Variants in YJU2B observed in about 807,000 individuals in gnomAD.
The protein encoded by YJU2B is YJU2 splicing factor homolog B.
Under a neutral mutation model 38.0 loss-of-function variants are expected in YJU2B, and 18 were observed. The ratio of observed to expected loss-of-function variants is 0.47; its 90% confidence interval spans 0.33 to 0.70. YJU2B has a LOEUF of 0.70. YJU2B is among the 30% of genes least tolerant of loss of function. The pLI is 0.02. For missense variants in YJU2B, 538 were observed against 556.3 expected (o/e 0.97, Z 0.33); for synonymous variants, 246 against 225.4 (o/e 1.09, Z -0.82).
intron 2 of YJU2B, among the ~76,000 whole-genome samples, chr19:13,735,658 T>C (rs1236089150): frequency 2.0e-5 from 3 of 151,782 alleles, no homozygotes; most frequent in African/African-American, 4.8e-5. Context: ...TAAATTACGG[T>C]GGTGGTTAAC....
chr19:13,736,224 T>G (rs1390978049), intron 2 of YJU2B, among the ~76,000 whole-genome samples: 1 of 150,382 alleles, frequency 6.6e-6, no homozygotes, highest in Non-Finnish European at 1.5e-5. Flanking sequence ...TAATTAATTC[T>G]CTAGAGCATC....
chr19:13,742,101 C>A (rs948853897), intron 2 of YJU2B, among the ~76,000 whole-genome samples: 1 of 91,102 alleles, frequency 1.1e-5, no homozygotes, highest in Non-Finnish European at 2.3e-5. Flanking sequence ...CAATGAAGTT[C>A]TGCCCTCACC....
intron 2 of YJU2B, among the ~76,000 whole-genome samples, chr19:13,741,131 C>T (rs1325445108): frequency 6.6e-6 from 1 of 150,730 alleles, no homozygotes; most frequent in Admixed American, 6.6e-5. Flanking sequence ...TGGCTGGAGG[C>T]CTTTGGCTTT....
Position 13,762,457 on chromosome 19 carries a change from G to T in YJU2B, c.712+20G>T, listed in dbSNP as rs202226586. The T allele has an allele frequency of 6.2e-7, 1 of 1,609,504 alleles. No homozygotes were observed. ...TGGACTGTGCGTAGGAGGCCAGGGGGAAAAGGGGACAGGGAGGCTCAGAGT... is the reference window on the plus strand; with the variant it reads ...TGGACTGTGCGTAGGAGGCCAGGGGTAAAAGGGGACAGGGAGGCTCAGAGT... On this transcript the variant is annotated intron_variant, in intron 9 of 9. Coordinates refer to ENST00000221554, the MANE Select transcript of YJU2B (RefSeq NM_030818.4).
At chr19:13,750,710 A>C (rs1194275380) in intron 1 of YJU2B, among the ~76,000 whole-genome samples, 2 of 151,834 alleles carry the variant, frequency 1.3e-5, no homozygotes, top group Non-Finnish European at 2.9e-5. Context: ...AAATACAAAA[A>C]AATTAGCCAG....
chr19:13,762,798 C>A lies in YJU2B; in HGVS notation c.921C>A (p.Pro307=). The A allele has an allele frequency of 6.2e-7, 1 of 1,603,072 alleles. No homozygotes were observed. The highest frequency in any genetic ancestry group is 2.3e-5 in the East Asian group (1 of 44,192). ...GGTCTCGGGACGTCCCGGAGAGCCC[C>A]CAGCATGCGGCCGACACCCCCAAGT... ...RRRSRDVPES[P]QHAADTPKSG... The change falls in exon 10 of 10, where the codon CCC becomes CCA. Residue 307 remains proline (P), a synonymous_variant. Coordinates refer to ENST00000221554, the MANE Select transcript of YJU2B (RefSeq NM_030818.4).
chr19:13,758,045 CT>C (rs977644500), intron 6 of YJU2B, among the ~76,000 whole-genome samples, 199 bp downstream of exon 6: 1 of 152,112 alleles, frequency 6.6e-6, no homozygotes, highest in African/African-American at 2.4e-5. Context: ...AGTCCTCCCC[CT>C]GGCTCACAAG....
At chr19:13,761,810 A>C (rs1599539911) in intron 8 of YJU2B, among the ~76,000 whole-genome samples, 1 of 146,486 alleles carries the variant, frequency 6.8e-6, no homozygotes, top group African/African-American at 2.6e-5. Flanking sequence ...CGCAACCTCC[A>C]CCTCCCCGGT....
At chr19:13,756,339 A>AATGG in intron 4 of YJU2B, 60 bp downstream of exon 4, 1 of 1,380,608 alleles carries the variant, frequency 7.2e-7, no homozygotes, top group Non-Finnish European at 1.0e-6. Flanking sequence ...AGTCTCAAGG[A>AATGG]GAGTTCAGTG....
intron 8 of YJU2B, among the ~76,000 whole-genome samples, chr19:13,760,298 A>C (rs1166131938): frequency 6.6e-6 from 1 of 152,072 alleles, no homozygotes; most frequent in African/African-American, 2.4e-5. Flanking sequence ...TGGCAGATCC[A>C]GTGTCTGGTG....
chr19:13,748,539 C>CA (rs1298738493), intron 1 of YJU2B, among the ~76,000 whole-genome samples: 1 of 152,206 alleles, frequency 6.6e-6, no homozygotes, highest in East Asian at 1.9e-4. Context: ...CCCCGTCTGC[C>CA]ATTTACTGGG....
At chr19:13,735,532 T>TG (rs550510346) in intron 2 of YJU2B, among the ~76,000 whole-genome samples, 328 of 151,816 alleles carry the variant, frequency 2.2e-3, no homozygotes, top group African/African-American at 7.5e-3. Flanking sequence ...TGTCTGTGTT[T>TG]TTTTTTTTTT....
At chr19:13,753,725 A>G (rs1444259090) in intron 2 of YJU2B, among the ~76,000 whole-genome samples, 2 of 152,148 alleles carry the variant, frequency 1.3e-5, no homozygotes, top group African/African-American at 4.8e-5. Flanking sequence ...ATCCTTCTTC[A>G]CGTGGCAGCA....
intron 2 of YJU2B, among the ~76,000 whole-genome samples, chr19:13,741,720 C>A (rs1217337739): frequency 6.6e-6 from 1 of 151,876 alleles, no homozygotes; most frequent in African/African-American, 2.4e-5. Context: ...ACAGTGGAGA[C>A]CCTGTCTCAA....
At chr19:13,750,325 T>C (rs429537) in intron 1 of YJU2B, among the ~76,000 whole-genome samples, 92,051 of 151,944 alleles carry the variant, frequency 0.61, 28,098 homozygotes, top group Middle Eastern at 0.71. Flanking sequence ...CCTCCCGGTT[T>C]GAGCCATTCT....
rs1318539555 is a variant in YJU2B, at chr19:13,763,141, G to A, written c.*73G>A. On this transcript the variant is annotated 3_prime_UTR_variant, in exon 10 of 10. Coordinates refer to ENST00000221554, the MANE Select transcript of YJU2B (RefSeq NM_030818.4). ...CCCAGGAGGCCCCTCACAGACTGCA[G>A]ACCCCCGGCTCGCCCACCAGCCCTG... 2.3e-6 allele frequency: 3 copies of A among 1,313,486 alleles called. No individual in the cohort carries two copies. The highest frequency in any genetic ancestry group is 3.1e-6 in the Non-Finnish European group (3 of 962,644). The allele number at this position is 1,313,486 out of a possible 1,614,324, so 81.4% of individuals were successfully genotyped here.
rs36123429 is a variant in YJU2B, at chr19:13,741,577, TAA to T, written c.-202+9308_-202+9309del. Among the ~76,000 whole-genome samples, 526 of 141,020 alleles carry T rather than the reference TAA, an allele frequency of 3.7e-3. 1 individual carries two copies. The highest frequency in any genetic ancestry group is 4.7e-3 in the East Asian group (23 of 4,844). The allele number at this position is 141,020 out of a possible 152,430, so 92.5% of individuals were successfully genotyped here. On this transcript the variant is annotated intron_variant, in intron 2 of 10. Coordinates refer to the YJU2B transcript ENST00000586600. ...ACAGGAAGACCTCGTTTCTACAAAT[TAA>T]AAAAAAAAAAAAAAATTAGCTAGGC... is the stretch of plus-strand genomic sequence containing the variant.
At chr19:13,755,632 G>T (rs907374253) in intron 3 of YJU2B, among the ~76,000 whole-genome samples, 1 of 151,908 alleles carries the variant, frequency 6.6e-6, no homozygotes, top group African/African-American at 2.4e-5. Flanking sequence ...GAGGTCACTC[G>T]CCCAGGGTCC....
Position 13,754,364 on chromosome 19 carries a change from G to T in YJU2B, c.57+22G>T, listed in dbSNP as rs370590169. ...GAAGGTAAGCAGGCTCTCCGCTCCA[G>T]GTCCACAGTAGCAAAAAGACCCACG... On this transcript the variant is annotated intron_variant, in intron 3 of 9. Coordinates refer to ENST00000221554, the MANE Select transcript of YJU2B (RefSeq NM_030818.4). 4 of 1,603,164 alleles carry T rather than the reference G, an allele frequency of 2.5e-6. No homozygotes were observed. In the African/African-American group the frequency reaches 4.0e-5, roughly 16 times the overall value.
Sources: allele counts gnomAD v4.1 joint callset (sites outside exome capture counted in the v4.1 genomes callset), GRCh38; gene constraint gnomAD v4.1.1; transcripts MANE v1.5; gene names NCBI Gene and HGNC (gene_info 2026-07-23, HGNC 2026-07-21).